The following GABRG3 variants were observed in gnomAD, a reference collection of about 807,000 sequenced individuals.
GABRG3 encodes gamma-aminobutyric acid receptor subunit gamma-3.
In GABRG3, 25 loss-of-function variants were observed where a neutral mutation model predicts 48.8. The ratio of observed to expected loss-of-function variants is 0.51; its 90% confidence interval spans 0.37 to 0.72. GABRG3 has a LOEUF of 0.72. Ranked by LOEUF, GABRG3 falls within the 30% of genes least tolerant of loss-of-function variation. The probability of loss-of-function intolerance (pLI) is 0.00; values close to 1 mark genes in which losing one functional copy is unlikely to be tolerated. For missense variants in GABRG3, 394 were observed against 577.9 expected (o/e 0.68, Z 3.26); for synonymous variants, 227 against 217.6 (o/e 1.04, Z -0.38).
chr15:27,439,590 T>TC (rs1349381956), intron 5 of GABRG3, among the ~76,000 whole-genome samples: 2 of 152,252 alleles, frequency 1.3e-5, no homozygotes, highest in Non-Finnish European at 2.9e-5. Context: ...TGGTCCATGA[T>TC]CCTCCCAGGG....
chr15:27,145,878 C>G (rs1373602365), intron 3 of GABRG3, among the ~76,000 whole-genome samples: 3 of 151,930 alleles, frequency 2.0e-5, no homozygotes, highest in African/African-American at 7.3e-5. Flanking sequence ...AGCAGCTCAT[C>G]ATGTACAAGG....
intron 3 of GABRG3, among the ~76,000 whole-genome samples, chr15:27,318,202 T>G (rs991499284): frequency 6.6e-6 from 1 of 152,162 alleles, no homozygotes; most frequent in Non-Finnish European, 1.5e-5. Context: ...AGACTGTGTG[T>G]TTAAATATTA....
chr15:27,193,150 C>T (rs1888382568), intron 3 of GABRG3, among the ~76,000 whole-genome samples: 1 of 152,210 alleles, frequency 6.6e-6, no homozygotes, highest in South Asian at 2.1e-4. Context: ...CCCAGTTAGG[C>T]TGCTCAGGGG....
At chr15:27,388,858 G>A (rs1275610950) in intron 5 of GABRG3, among the ~76,000 whole-genome samples, 1 of 151,994 alleles carries the variant, frequency 6.6e-6, no homozygotes, top group African/African-American at 2.4e-5. Context: ...AAATGAAGGT[G>A]GAGAGAGGAA....
At chr15:27,049,448 T>G (rs188089339) in intron 3 of GABRG3, among the ~76,000 whole-genome samples, 2 of 152,292 alleles carry the variant, frequency 1.3e-5, no homozygotes, top group Admixed American at 6.5e-5. Context: ...TCTTACTGCT[T>G]CTAACTTGGG....
intron 3 of GABRG3, among the ~76,000 whole-genome samples, chr15:27,279,697 T>C (rs1891370965): frequency 1.3e-5 from 2 of 152,192 alleles, no homozygotes; most frequent in South Asian, 4.1e-4. Flanking sequence ...TCAGGTAAAG[T>C]AATAAACTAC....
At chr15:27,386,989 G>A (rs1188431018) in intron 5 of GABRG3, among the ~76,000 whole-genome samples, 1 of 152,072 alleles carries the variant, frequency 6.6e-6, no homozygotes, top group Non-Finnish European at 1.5e-5. Context: ...TATAAAAGTT[G>A]CTCTACTTTT....
intron 5 of GABRG3, among the ~76,000 whole-genome samples, chr15:27,414,054 G>C (rs1238027017): frequency 6.6e-6 from 1 of 152,178 alleles, no homozygotes; most frequent in African/African-American, 2.4e-5. Flanking sequence ...AGGAATTGTA[G>C]ATTTCAGTGC....
intron 2 of GABRG3, among the ~76,000 whole-genome samples, chr15:27,015,046 T>C (rs776545034): frequency 2.6e-5 from 4 of 152,242 alleles, no homozygotes; most frequent in Non-Finnish European, 5.9e-5. Context: ...GCGACAGTTT[T>C]TGACTTAAAA....
intron 3 of GABRG3, among the ~76,000 whole-genome samples, chr15:27,166,720 C>G (rs924900951): frequency 2.6e-5 from 4 of 152,186 alleles, no homozygotes; most frequent in South Asian, 4.1e-4. Context: ...AATGAAGACA[C>G]TCCACTTATT....
chr15:27,494,826 C>T (rs1352727758), intron 6 of GABRG3, among the ~76,000 whole-genome samples: 1 of 152,144 alleles, frequency 6.6e-6, no homozygotes, highest in African/African-American at 2.4e-5. Context: ...TCTGAGTCAT[C>T]AATTCCATTA....
chr15:27,285,294 TGTG>T (rs1891572934), intron 3 of GABRG3, among the ~76,000 whole-genome samples: 1 of 144,980 alleles, frequency 6.9e-6, no homozygotes, highest in African/African-American at 2.7e-5. Flanking sequence ...TGTGTGTGTG[TGTG>T]TGTGTTTTCT....
chr15:27,052,667 G>T (rs1896475531), intron 3 of GABRG3, among the ~76,000 whole-genome samples: 1 of 152,138 alleles, frequency 6.6e-6, no homozygotes, highest in Admixed American at 6.5e-5. Flanking sequence ...ACCTAATGTA[G>T]AGCTATGCTC....
rs1887884434 is a variant in GABRG3, at chr15:27,180,219, A to G, written c.271-146590A>G. ...CACACTTTTTCTGAAGGACCTTAGC[A>G]CGGTCTAAATAAAGTTTGTAAACCA... On this transcript the variant is annotated intron_variant, in intron 3 of 9. Coordinates refer to ENST00000615808, the MANE Select transcript of GABRG3 (RefSeq NM_033223.5). The surrounding 1 kb of genome is among the most constrained non-coding windows in gnomAD (Gnocchi z 4.2). Among the ~76,000 whole-genome samples the G allele has an allele frequency of 6.6e-6, 1 of 152,156 alleles. No individual in the cohort carries two copies. Among genetic ancestry groups the G allele is most frequent in the African/African-American group, 2.4e-5 (1 of 41,430 alleles).
At chr15:27,308,603 A>G (rs995963923) in intron 3 of GABRG3, among the ~76,000 whole-genome samples, 7 of 137,014 alleles carry the variant, frequency 5.1e-5, no homozygotes, top group Non-Finnish European at 9.7e-5. Context: ...TATAAACATA[A>G]TGTAAACATA....
At chr15:27,437,242 A>G (rs1245411298) in intron 5 of GABRG3, among the ~76,000 whole-genome samples, 5 of 150,040 alleles carry the variant, frequency 3.3e-5, no homozygotes, top group African/African-American at 7.6e-5. Context: ...CTCTGCTCAC[A>G]TGATTCAATT....
chr15:27,298,120 T>A (rs1434346040), intron 3 of GABRG3, among the ~76,000 whole-genome samples: 1 of 152,100 alleles, frequency 6.6e-6, no homozygotes, highest in East Asian at 1.9e-4. Context: ...TTGAACCCTA[T>A]GAATAACAAA....
At chr15:27,214,694 ATTTT>A (rs58631276) in intron 3 of GABRG3, among the ~76,000 whole-genome samples, 24 of 145,862 alleles carry the variant, frequency 1.6e-4, no homozygotes, top group African/African-American at 6.1e-4. Flanking sequence ...TCACATCCAC[ATTTT>A]TTTTTTTTTT....
At chr15:27,514,048 G>A (rs1372002590) in intron 6 of GABRG3, among the ~76,000 whole-genome samples, 1 of 152,160 alleles carries the variant, frequency 6.6e-6, no homozygotes, top group Non-Finnish European at 1.5e-5. Flanking sequence ...AAATAAATGA[G>A]GATGCATAAT....
Sources: allele counts gnomAD v4.1 joint callset (sites outside exome capture counted in the v4.1 genomes callset), GRCh38; gene constraint gnomAD v4.1.1; non-coding constraint Gnocchi (gnomAD v3.1); transcripts MANE v1.5; gene names NCBI Gene and HGNC (gene_info 2026-07-23, HGNC 2026-07-21).